CAPZB: variants seen among roughly 807,000 people sequenced by gnomAD.
CAPZB encodes capping actin protein of muscle Z-line subunit beta.
Under a neutral mutation model 38.1 loss-of-function variants are expected in CAPZB, and 2 were observed. The ratio of observed to expected loss-of-function variants is 0.05; its 90% CI spans 0.02 to 0.17. The LOEUF is 0.17. Among genes scored for constraint, CAPZB ranks in the 10% least tolerant of loss-of-function variants. CAPZB has a pLI of 1.00. For synonymous variants in CAPZB, 107 were observed against 127.4 expected (o/e 0.84, Z 1.08); for missense variants, 161 against 334.2 (o/e 0.48, Z 4.04).
chr1:19,344,241 G>A, intron 8 of CAPZB, 117 bp downstream of exon 8: 1 of 762,136 alleles, frequency 1.3e-6, no homozygotes, highest in Non-Finnish European at 2.3e-6. Context: ...CAGAAGAGGG[G>A]CACTGCAGCC....
At chr1:19,344,875 C>T (rs1053183363) in intron 7 of CAPZB, among the ~76,000 whole-genome samples, 6 of 152,258 alleles carry the variant, frequency 3.9e-5, no homozygotes, top group Admixed American at 6.5e-5. Flanking sequence ...CCTCTCCCAG[C>T]GCAGGGCCCT....
At chr1:19,395,477 T>C (rs1022901725) in intron 2 of CAPZB, among the ~76,000 whole-genome samples, 6 of 152,188 alleles carry the variant, frequency 3.9e-5, no homozygotes, top group South Asian at 2.1e-4. Flanking sequence ...CCCCAAAGCT[T>C]TGCCCTCTGG....
intron 6 of CAPZB, among the ~76,000 whole-genome samples, chr1:19,347,451 C>A (rs1253136238): frequency 6.6e-6 from 1 of 152,132 alleles, no homozygotes; most frequent in Non-Finnish European, 1.5e-5. Context: ...GAGCCTCTGC[C>A]GATAGGGGTA....
At chr1:19,365,662 C>T (rs1313851061) in intron 4 of CAPZB, among the ~76,000 whole-genome samples, 2 of 151,866 alleles carry the variant, frequency 1.3e-5, no homozygotes, top group African/African-American at 4.8e-5. Flanking sequence ...GAAGCCCCGT[C>T]TCTATTAAAA....
In CAPZB at chr1:19,346,794, G is replaced by A. The variant is rs374816553; in HGVS notation, c.589-1542C>T. Among the ~76,000 whole-genome samples the A allele has an allele frequency of 9.3e-5, 14 of 150,998 alleles. No individual in the cohort carries two copies. The East Asian group carries it at 1.2e-3, about 12-fold the overall frequency. On this transcript the variant is annotated intron_variant, in intron 6 of 8. Transcript: ENST00000264202. The stretch of plus-strand genomic sequence containing the variant: ...GATTGAAATCCTTGACACTGGGGGC[G>A]GCAGCACTGACCCGACTTTTGTCTT...
chr1:19,434,089 A>G (rs540293051), intron 1 of CAPZB, among the ~76,000 whole-genome samples: 2 of 152,336 alleles, frequency 1.3e-5, no homozygotes, highest in Non-Finnish European at 2.9e-5. Context: ...CCCTCTTCCA[A>G]TTAATGTCAG....
At chr1:19,478,556 G>T (rs1232503224) in intron 1 of CAPZB, among the ~76,000 whole-genome samples, 1 of 152,202 alleles carries the variant, frequency 6.6e-6, no homozygotes, top group African/African-American at 2.4e-5. Context: ...AACATGTGGG[G>T]TGACCATAGG....
chr1:19,408,372 T>C (rs894564467), intron 2 of CAPZB, among the ~76,000 whole-genome samples: 1 of 152,220 alleles, frequency 6.6e-6, no homozygotes, highest in Non-Finnish European at 1.5e-5. Context: ...AATTCGGCTT[T>C]CGGAAACTGT....
At chr1:19,458,099 CAA>C (rs58149759) in intron 1 of CAPZB, among the ~76,000 whole-genome samples, 76,782 of 128,622 alleles carry the variant, frequency 0.6, 21,408 homozygotes, top group Non-Finnish European at 0.64. Context: ...AAGGAGTTGC[CAA>C]AAAAAAAAAA....
intron 1 of CAPZB, among the ~76,000 whole-genome samples, chr1:19,449,825 A>G (rs1301998955): frequency 6.6e-6 from 1 of 151,444 alleles, no homozygotes; most frequent in Non-Finnish European, 1.5e-5. Flanking sequence ...GAAAGAAAGA[A>G]AGAGAGCGAG....
intron 1 of CAPZB, among the ~76,000 whole-genome samples, chr1:19,424,164 T>C (rs1299940295): frequency 1.3e-5 from 2 of 152,102 alleles, no homozygotes; most frequent in African/African-American, 4.8e-5. Flanking sequence ...AACAAGGCTT[T>C]TTTTTTTCTT....
chr1:19,361,460 T>C (rs2094052136), intron 4 of CAPZB, among the ~76,000 whole-genome samples: 2 of 152,226 alleles, frequency 1.3e-5, no homozygotes, highest in South Asian at 4.1e-4. Flanking sequence ...GAAAGGCCTG[T>C]TTCAGAATTG....
intron 4 of CAPZB, among the ~76,000 whole-genome samples, chr1:19,359,897 G>A (rs1025118712): frequency 2.0e-5 from 3 of 152,188 alleles, no homozygotes; most frequent in Non-Finnish European, 4.4e-5. Context: ...CCTTTATTCC[G>A]GTCTGCTCCA....
At chr1:19,414,102 G>A (rs748713865) in intron 2 of CAPZB, among the ~76,000 whole-genome samples, 3 of 152,168 alleles carry the variant, frequency 2.0e-5, no homozygotes, top group African/African-American at 2.4e-5. Context: ...TTTTGGAAAC[G>A]TAAGCAGCGG....
At chr1:19,485,377 A>G in intron 1 of CAPZB, 59 bp downstream of exon 1, 5 of 1,109,804 alleles carry the variant, frequency 4.5e-6, no homozygotes, top group South Asian at 4.5e-5. Context: ...GGGCAGGGGG[A>G]GGGGGACGCG....
chr1:19,483,215 G>C (rs2094636718), intron 1 of CAPZB, among the ~76,000 whole-genome samples: 1 of 152,050 alleles, frequency 6.6e-6, no homozygotes, highest in Non-Finnish European at 1.5e-5. Flanking sequence ...AATAAATACT[G>C]CTCCTCCCCC....
At chr1:19,407,404 C>T (rs1403875028) in intron 2 of CAPZB, among the ~76,000 whole-genome samples, 1 of 152,070 alleles carries the variant, frequency 6.6e-6, no homozygotes, top group Non-Finnish European at 1.5e-5. Flanking sequence ...TGTGTAGGAC[C>T]CTCACACATA....
chr1:19,406,147 G>A (rs1443771627), intron 2 of CAPZB, among the ~76,000 whole-genome samples: 1 of 152,250 alleles, frequency 6.6e-6, no homozygotes, highest in Non-Finnish European at 1.5e-5. Flanking sequence ...CGTCTGATTA[G>A]TGAATAAGAA....
At chr1:19,362,795 T>TG (rs1265833823) in intron 4 of CAPZB, among the ~76,000 whole-genome samples, 2 of 152,026 alleles carry the variant, frequency 1.3e-5, no homozygotes, top group African/African-American at 4.8e-5. Flanking sequence ...CTGAATGACA[T>TG]GCTCAAATCA....
Sources: gnomAD v4.1 joint callset for allele counts (sites outside exome capture counted in the v4.1 genomes callset) on GRCh38, gnomAD v4.1.1 for gene constraint, MANE v1.5 for transcripts, NCBI Gene and HGNC (gene_info 2026-07-23, HGNC 2026-07-21) for gene names.